Variants in JARID2 observed in about 807,000 individuals in gnomAD.
The protein encoded by JARID2 is protein Jumonji.
Under a neutral mutation model 125.6 loss-of-function variants are expected in JARID2, and 21 were observed. The ratio of observed to expected loss-of-function variants is 0.17; its 90% CI spans 0.12 to 0.24. The LOEUF (loss-of-function observed/expected upper bound fraction) is 0.24. Ranked by LOEUF, JARID2 falls within the 10% of genes least tolerant of loss-of-function variation. The probability of loss-of-function intolerance (pLI) is 1.00; values close to 1 mark genes in which losing one functional copy is unlikely to be tolerated. For synonymous variants in JARID2, 736 were observed against 661.6 expected (o/e 1.11, Z -1.73); for missense variants, 1,303 against 1,639.6 (o/e 0.79, Z 3.55).
At chr6:15,418,311 C>T (rs763687017) in intron 3 of JARID2, among the ~76,000 whole-genome samples, 39 of 151,194 alleles carry the variant, frequency 2.6e-4, no homozygotes, top group Admixed American at 2.3e-3. Flanking sequence ...TCCGCCCTCC[C>T]GAGTTCAAGC....
intron 3 of JARID2, among the ~76,000 whole-genome samples, chr6:15,445,066 A>T (rs1767615273): frequency 6.6e-6 from 1 of 152,104 alleles, no homozygotes; most frequent in African/African-American, 2.4e-5. Flanking sequence ...GTTGTGCCGC[A>T]GTCAGGGCTA....
chr6:15,446,733 C>T (rs1458170042), intron 3 of JARID2, among the ~76,000 whole-genome samples: 1 of 152,208 alleles, frequency 6.6e-6, no homozygotes, highest in African/African-American at 2.4e-5. Context: ...GGTGTTCACT[C>T]AGCGGGGCTG....
At chr6:15,251,969 C>G (rs138987781) in intron 1 of JARID2, among the ~76,000 whole-genome samples, 1 of 151,824 alleles carries the variant, frequency 6.6e-6, no homozygotes, top group African/African-American at 2.4e-5. Context: ...CCGCTTGAAC[C>G]TGGGAGGCGG....
chr6:15,281,692 A>G (rs955896591), intron 1 of JARID2, among the ~76,000 whole-genome samples: 1 of 152,136 alleles, frequency 6.6e-6, no homozygotes, highest in African/African-American at 2.4e-5. Flanking sequence ...ATGCCATTCT[A>G]TTTCATGCTG....
At chr6:15,357,501 A>G (rs905964855) in intron 1 of JARID2, among the ~76,000 whole-genome samples, 1 of 152,178 alleles carries the variant, frequency 6.6e-6, no homozygotes, top group East Asian at 1.9e-4. Context: ...GTGGGTCTAG[A>G]TGGACAACTG....
chr6:15,467,463 G>A (rs1046376722), intron 4 of JARID2, among the ~76,000 whole-genome samples: 10 of 151,200 alleles, frequency 6.6e-5, no homozygotes, highest in South Asian at 2.1e-4. Flanking sequence ...TCCAAACAAC[G>A]TACAAATGAC....
intron 5 of JARID2, among the ~76,000 whole-genome samples, chr6:15,470,271 C>T (rs1019903815): frequency 6.6e-6 from 1 of 152,048 alleles, no homozygotes; most frequent in Non-Finnish European, 1.5e-5. Flanking sequence ...CTATCAGCTA[C>T]TCCACTAGAC....
chr6:15,459,554 A>G (rs988390768), intron 4 of JARID2, among the ~76,000 whole-genome samples: 1 of 152,100 alleles, frequency 6.6e-6, no homozygotes, highest in Non-Finnish European at 1.5e-5. Flanking sequence ...CTGTACATTT[A>G]TTTACCATTT....
chr6:15,491,378 G>A (rs1204625025), intron 6 of JARID2, among the ~76,000 whole-genome samples: 3 of 152,244 alleles, frequency 2.0e-5, no homozygotes, highest in Non-Finnish European at 4.4e-5. Context: ...GCTGCGGTCA[G>A]TGTTTGAGCA....
chr6:15,517,090 C>A, intron 16 of JARID2, 71 bp from the exon 17 acceptor site: 1 of 1,181,056 alleles, frequency 8.5e-7, no homozygotes, highest in Non-Finnish European at 1.3e-6. Flanking sequence ...GCCGGGCGTG[C>A]TCCTACCTTA....
At chr6:15,421,421 A>T (rs2127588069) in intron 3 of JARID2, among the ~76,000 whole-genome samples, 1 of 152,052 alleles carries the variant, frequency 6.6e-6, no homozygotes, top group South Asian at 2.1e-4. Context: ...TAAAAAAAAA[A>T]AAAGGTGAAC....
At position 15,520,684 on chromosome 6, in the gene JARID2, C is replaced by G; in HGVS notation, c.*433C>G. 2.4e-6 allele frequency: 1 copy of G among 414,812 alleles called. No individual in the cohort carries two copies. The highest frequency in any genetic ancestry group is 4.9e-6 in the Non-Finnish European group (1 of 203,166). 25.7% of individuals were successfully genotyped at this position (414,812 alleles called of 1,614,324 possible). ...GATTTTTTAGAAGGGATAGGAGACA[C>G]ACGCGCACACACACACACACACGAA... On this transcript the variant is annotated 3_prime_UTR_variant, in exon 18 of 18. Transcript: ENST00000341776.
chr6:15,266,445 C>T (rs1760086839), intron 1 of JARID2, among the ~76,000 whole-genome samples: 1 of 152,196 alleles, frequency 6.6e-6, no homozygotes. Flanking sequence ...AAACCGTGAG[C>T]TCCATATCCT....
Position 15,501,321 on chromosome 6 carries a change from G to A in JARID2, c.2360G>A (p.Arg787Gln), listed in dbSNP as rs767882501. 26 of 1,609,216 alleles carry A rather than the reference G, an allele frequency of 1.6e-5. No homozygotes were observed. Among genetic ancestry groups the A allele is most frequent in the Middle Eastern group, 1.7e-4 (1 of 6,036 alleles). Residue 787 changes from arginine to glutamine, a missense_variant, in exon 8 of 18, where the codon CGG (arginine) becomes CAG (glutamine). This residue lies in a region of JARID2 where 124 missense variants were observed against 131.0 expected (regional missense o/e 0.95). Coordinates refer to ENST00000341776, the MANE Select transcript of JARID2 (RefSeq NM_004973.4). ...CAGGCCCAGTTGAAGACTGGCCGGCGGCGACTCTTCGCTCAGGAAAAAGAA... is the reference window on the plus strand; with the variant it reads ...CAGGCCCAGTTGAAGACTGGCCGGCAGCGACTCTTCGCTCAGGAAAAAGAA... ...VGQAQLKTGR[R>Q]RLFAQEKEVV...
At chr6:15,497,258 C>A in intron 7 of JARID2, 88 bp downstream of exon 7, 1 of 1,052,964 alleles carries the variant, frequency 9.5e-7, no homozygotes, top group Non-Finnish European at 1.4e-6. Context: ...CGTTCTCTTC[C>A]CTTGCGAAAG....
intron 1 of JARID2, among the ~76,000 whole-genome samples, chr6:15,311,115 C>T (rs555991025): frequency 2.6e-5 from 4 of 152,222 alleles, no homozygotes; most frequent in East Asian, 1.9e-4. Flanking sequence ...GAGACCCTTC[C>T]GCGTGGCGTA....
Position 15,327,973 on chromosome 6 carries a change from C to G in JARID2, c.46-46144C>G, listed in dbSNP as rs903132509. Among the ~76,000 whole-genome samples the G allele has an allele frequency of 1.6e-4, 24 of 152,190 alleles. No individual in the cohort carries two copies. The East Asian group carries it at 4.1e-3, about 26-fold the overall frequency. On this transcript the variant is annotated intron_variant, in intron 1 of 17. Coordinates refer to ENST00000341776, the MANE Select transcript of JARID2 (RefSeq NM_004973.4). ...CATTATACAGTATCTTGTTTGTTTT[C>G]AGAGAACCCCTACCATCCCCAGCCT...
At chr6:15,270,705 T>C (rs1472634941) in intron 1 of JARID2, among the ~76,000 whole-genome samples, 1 of 152,114 alleles carries the variant, frequency 6.6e-6, no homozygotes, top group Non-Finnish European at 1.5e-5. Context: ...CCCAGCACTT[T>C]GGGAGGTCAA....
chr6:15,471,856 A>G (rs918084619), intron 5 of JARID2, among the ~76,000 whole-genome samples: 15 of 152,172 alleles, frequency 9.9e-5, no homozygotes, highest in Non-Finnish European at 1.6e-4. Context: ...ATGATTCTAC[A>G]TTGACCACTG....
Sources: gnomAD v4.1 joint callset for allele counts (sites outside exome capture counted in the v4.1 genomes callset) on GRCh38, gnomAD v4.1.1 for gene constraint, gnomAD v4.1.1 regional missense constraint, MANE v1.5 for transcripts, NCBI Gene and HGNC (gene_info 2026-07-23, HGNC 2026-07-21) for gene names.